GATA6: variants seen among roughly 807,000 people sequenced by gnomAD.
The protein encoded by GATA6 is transcription factor GATA-6.
A neutral mutation model predicts 48.1 loss-of-function variants in GATA6; 11 were observed. That is an observed-to-expected ratio of 0.23 (90% confidence interval 0.14 to 0.38). The LOEUF (loss-of-function observed/expected upper bound fraction) is 0.38. Among genes scored for constraint, GATA6 ranks in the 10% least tolerant of loss-of-function variants. GATA6 has a pLI of 1.00. For synonymous variants in GATA6, 419 were observed against 396.1 expected (o/e 1.06, Z -0.69); for missense variants, 795 against 850.3 (o/e 0.93, Z 0.81).
chr18:22,184,633 T>C (rs2033240393), intron 6 of GATA6, among the ~76,000 whole-genome samples: 1 of 151,962 alleles, frequency 6.6e-6, no homozygotes, highest in African/African-American at 2.4e-5. Context: ...AAGCTAGAAT[T>C]ACAGGCATAC....
intron 2 of GATA6, among the ~76,000 whole-genome samples, chr18:22,174,412 T>C (rs150488442): frequency 1.1e-3 from 168 of 152,334 alleles, no homozygotes; most frequent in African/African-American, 3.9e-3. Context: ...GTGGGCAAGT[T>C]AATATGTTTC....
chr18:22,170,961 G>C lies in GATA6; in HGVS notation c.-37-147G>C, dbSNP rs2033026135. On this transcript the variant is annotated intron_variant, in intron 1 of 6. Transcript: ENST00000269216. This position sits in a 1 kb window ranked among gnomAD's most constrained non-coding sequence, Gnocchi z 6.7. ...GATCTCCACGCCCGGGGCAGAAATA[G>C]GATCTTTGAGAAGTCTCAAATGGGA... The C allele has an allele frequency of 6.4e-6, 4 of 625,424 alleles. No individual in the cohort carries two copies. The highest frequency in any genetic ancestry group is 8.5e-6 in the Non-Finnish European group (3 of 351,152). The allele number at this position is 625,424 out of a possible 1,614,324, so 38.7% of individuals were successfully genotyped here. A position where few individuals can be genotyped will look rare whatever the true frequency, so the allele number is the denominator to read the frequency against.
chr18:22,177,157 G>A (rs763911344), intron 3 of GATA6, 36 bp downstream of exon 3: 2 of 1,526,046 alleles, frequency 1.3e-6, no homozygotes, highest in Admixed American at 2.0e-5. Context: ...GCTCGCGGCC[G>A]GCCCCGGGCT....
intron 6 of GATA6, among the ~76,000 whole-genome samples, chr18:22,197,525 C>T (rs1223071423): frequency 1.3e-5 from 2 of 152,202 alleles, no homozygotes; most frequent in Non-Finnish European, 2.9e-5. Context: ...GGCTTTTCTT[C>T]TGAACAGGCC....
chr18:22,171,702 G>T lies in GATA6; in HGVS notation c.558G>T (p.Pro186=). The T allele has an allele frequency of 6.7e-7, 1 of 1,497,316 alleles. No individual in the cohort carries two copies. The highest frequency in any genetic ancestry group is 8.8e-7 in the Non-Finnish European group (1 of 1,131,868). The allele number at this position is 1,497,316 out of a possible 1,614,324, so 92.8% of individuals were successfully genotyped here. ...AAAAAAAASS[P]VYVPTTRVGS... is the part of the protein sequence containing the mutation. ...CAGCCGCGGCGGCGGCCAGCTCCCC[G>T]GTCTACGTGCCCACCACCCGCGTGG... The change falls in exon 2 of 7, where the codon CCG becomes CCT. Residue 186 remains proline, a synonymous_variant. Coordinates refer to ENST00000269216, the MANE Select transcript of GATA6 (RefSeq NM_005257.6). This position sits in a 1 kb window ranked among gnomAD's most constrained non-coding sequence, Gnocchi z 7.1.
At chr18:22,200,183 G>GTGTA (rs2033440895) in intron 6 of GATA6, among the ~76,000 whole-genome samples, 1 of 142,312 alleles carries the variant, frequency 7.0e-6, no homozygotes, top group South Asian at 2.1e-4. Context: ...TAGAGTGTGT[G>GTGTA]TGTGTGTGTG....
intron 6 of GATA6, among the ~76,000 whole-genome samples, chr18:22,197,396 T>C (rs1420799691): frequency 1.3e-5 from 2 of 152,220 alleles, no homozygotes; most frequent in Non-Finnish European, 2.9e-5. Context: ...TAGGTGCCTC[T>C]TTTTATCCCA....
rs387906816 is a variant in GATA6 at position 22,171,695 on chromosome 18, G to A, written c.551G>A (p.Ser184Asn). The A allele has an allele frequency of 2.5e-4, 374 of 1,498,160 alleles. 3 individuals are homozygous for A. In the East Asian group the frequency reaches 6.7e-3, roughly 27 times the overall value. The allele number at this position is 1,498,160 out of a possible 1,614,324, so 92.8% of individuals were successfully genotyped here. ...AAAAAAAAAA[S>N]SPVYVPTTRV... is the part of the protein sequence containing the mutation. ...GCGGCAGCAGCCGCGGCGGCGGCCA[G>A]CTCCCCGGTCTACGTGCCCACCACC... The change falls in exon 2 of 7, where the codon AGC (serine) becomes AAC (asparagine). Residue 184 changes from serine to asparagine, a missense_variant. By Grantham distance (46) the Ser-to-Asn change is conservative (BLOSUM62 1). This residue lies in a region of GATA6 where 591 missense variants were observed against 570.0 expected (regional missense o/e 1.04). Transcript: ENST00000269216. The surrounding 1 kb of genome is among the most constrained non-coding windows in gnomAD (Gnocchi z 7.1).
intron 6 of GATA6, among the ~76,000 whole-genome samples, chr18:22,191,872 G>A (rs1013378262): frequency 6.6e-5 from 10 of 152,176 alleles, no homozygotes; most frequent in Non-Finnish European, 1.2e-4. Context: ...GGGGTCTTAC[G>A]AGTAAACGGT....
At chr18:22,169,739 C>T (rs946606610) in intron 1 of GATA6, 57 bp downstream of exon 1, 7 of 152,282 alleles carry the variant, frequency 4.6e-5, no homozygotes, top group African/African-American at 1.7e-4. Flanking sequence ...CACCCCTACT[C>T]GTCGCGGGCC....
intron 6 of GATA6, among the ~76,000 whole-genome samples, chr18:22,197,818 C>T (rs2033410173): frequency 6.6e-6 from 1 of 152,154 alleles, no homozygotes; most frequent in African/African-American, 2.4e-5. Context: ...CCTGTGTGGG[C>T]TGCCTTTGGT....
At chr18:22,173,087 A>T (rs1378229284) in intron 2 of GATA6, among the ~76,000 whole-genome samples, 1 of 151,866 alleles carries the variant, frequency 6.6e-6, no homozygotes, top group African/African-American at 2.4e-5. Flanking sequence ...TTCCAATTTG[A>T]CTCATTTTTT....
At chr18:22,182,421 T>C (rs1012630089) in intron 4 of GATA6, among the ~76,000 whole-genome samples, 1 of 151,622 alleles carries the variant, frequency 6.6e-6, no homozygotes, top group South Asian at 2.1e-4. Context: ...GCAGTGGTGC[T>C]ATCTCGGCTC....
chr18:22,171,648 C>T lies in GATA6; in HGVS notation c.504C>T (p.Gly168=), dbSNP rs949048690. ...GPAAYDGAPG[G]FVHSAAAAAA... ...CCGCCTACGACGGCGCGCCCGGCGGCTTCGTGCACTCTGCGGCCGCGGCGG... is the reference window on the plus strand; with the variant it reads ...CCGCCTACGACGGCGCGCCCGGCGGTTTCGTGCACTCTGCGGCCGCGGCGG... Residue 168 remains glycine, a synonymous_variant, in exon 2 of 7, where the codon GGC becomes GGT. Transcript: ENST00000269216. This position sits in a 1 kb window ranked among gnomAD's most constrained non-coding sequence, Gnocchi z 7.1. 8 of 1,578,878 alleles carry T rather than the reference C, an allele frequency of 5.1e-6. No individual in the cohort carries two copies. Among genetic ancestry groups the T allele is most frequent in the African/African-American group, 1.4e-5 (1 of 73,464 alleles).
At chr18:22,177,177 CGGCCGG>C in intron 3 of GATA6, 56 bp downstream of exon 3, 1 of 1,461,860 alleles carries the variant, frequency 6.8e-7, no homozygotes, top group Non-Finnish European at 9.1e-7. Flanking sequence ...TCTCCTGGCC[CGGCCGG>C]CCCCGCCCTG....
rs2033128563 is a variant in GATA6, at chr18:22,176,957, C to T, written c.1138C>T (p.Leu380=). ...LPVPRGPSAD[L]LEDLSESREC... ...CTCACGCACCGCTGTCGCCGCAGAC[C>T]TGCTGGAGGACCTGTCCGAGAGCCG... The change falls in exon 3 of 7, where the codon CTG becomes TTG. Residue 380 remains leucine, a splice_region_variant and synonymous_variant. Coordinates refer to ENST00000269216, the MANE Select transcript of GATA6 (RefSeq NM_005257.6). 11 of 1,553,402 alleles carry T rather than the reference C, an allele frequency of 7.1e-6. No individual in the cohort carries two copies. The highest frequency in any genetic ancestry group is 6.9e-5 in the African/African-American group (5 of 72,714).
intron 2 of GATA6, chr18:22,176,423 G>C (rs2033122585): frequency 6.6e-6 from 1 of 152,292 alleles, no homozygotes; most frequent in Non-Finnish European, 1.5e-5. Context: ...AATTGGAGAA[G>C]AGGCACATAT....
chr18:22,176,865 C>G, intron 2 of GATA6, 90 bp from the exon 3 acceptor site: 1 of 1,426,880 alleles, frequency 7.0e-7, no homozygotes, highest in African/African-American at 1.5e-5. Flanking sequence ...AGCCGGGCAC[C>G]GGGGCTGGGG....
chr18:22,200,176 AGTGT>A (rs59255780), intron 6 of GATA6, among the ~76,000 whole-genome samples: 22,433 of 150,388 alleles, frequency 0.15, 1,696 homozygotes, highest in Admixed American at 0.22. Context: ...GCCTTGTTAG[AGTGT>A]GTGTGTGTGT....
Sources: gnomAD v4.1 joint callset for allele counts (sites outside exome capture counted in the v4.1 genomes callset) on GRCh38, gnomAD v4.1.1 for gene constraint, gnomAD v4.1.1 regional missense constraint, Gnocchi (gnomAD v3.1) non-coding constraint, MANE v1.5 for transcripts, NCBI Gene and HGNC (gene_info 2026-07-23, HGNC 2026-07-21) for gene names.